The following P3H4 variants were observed in gnomAD, a reference collection of about 807,000 sequenced individuals.
P3H4 encodes the protein endoplasmic reticulum protein SC65.
In P3H4, 47 loss-of-function variants were observed where a neutral mutation model predicts 52.9. The ratio of observed to expected loss-of-function variants is 0.89; its 90% confidence interval spans 0.70 to 1.13. The LOEUF (loss-of-function observed/expected upper bound fraction) is 1.13. Among genes scored for constraint, P3H4 ranks in the 50% most tolerant of loss-of-function variants. The pLI is 0.00. For synonymous variants in P3H4, 256 were observed against 267.9 expected, an observed-to-expected ratio of 0.96 and a Z score of 0.44; for missense variants, 585 against 611.0, an observed-to-expected ratio of 0.96 and a Z score of 0.45.
Position 41,803,311 on chromosome 17 carries a change from CA to C in P3H4, c.1266del (p.Asp422GlufsTer61). On this transcript the variant is annotated frameshift_variant, in exon 7 of 8. Coordinates refer to ENST00000393928, the MANE Select transcript of P3H4 (RefSeq NM_006455.3). LOFTEE classifies it high-confidence loss of function. ...CCAGCCTCGGCCTCGTCACCCTTGG[CA>C]TCCGGCTCCTGCCACCAGTCAGCAT... ...GMYADWWQEP[D>X]AKGDEAEAEP... The C allele has an allele frequency of 6.2e-7, 1 of 1,613,998 alleles. No individual in the cohort carries two copies. The highest frequency in any genetic ancestry group is 1.1e-5 in the South Asian group (1 of 91,058).
chr17:41,803,291 C>G lies in P3H4; in HGVS notation c.1287G>C (p.Glu429Asp). ...CCAAGGACTCGTGTCACTGACCAGC[C>G]TCGGCCTCGTCACCCTTGGCATCCG... ...QEPDAKGDEA[E>D]AEPEPELA is the part of the protein sequence containing the mutation. The change falls in exon 7 of 8, where the codon GAG (glutamate) becomes GAC (aspartate). Residue 429 changes from glutamate to aspartate, a missense_variant. Transcript: ENST00000393928. 1 of 1,613,618 alleles carries G rather than the reference C, an allele frequency of 6.2e-7. No individual in the cohort carries two copies. The highest frequency in any genetic ancestry group is 8.5e-7 in the Non-Finnish European group (1 of 1,179,774).
At chr17:41,805,632 G>A (rs1156583595) in intron 6 of P3H4, among the ~76,000 whole-genome samples, 1 of 152,044 alleles carries the variant, frequency 6.6e-6, no homozygotes, top group Non-Finnish European at 1.5e-5. Context: ...GCCAGATCTT[G>A]TGTTATTCTC....
chr17:41,803,033 G>A, intron 7 of P3H4, 54 bp from the exon 8 acceptor site: 2 of 1,595,694 alleles, frequency 1.3e-6, no homozygotes, highest in South Asian at 1.1e-5. Context: ...CTCCCAATGG[G>A]TGTCCAGGTG....
chr17:41,802,874 G>T lies in P3H4; in HGVS notation c.*83C>A. The T allele has an allele frequency of 6.9e-7, 1 of 1,444,290 alleles. No homozygotes were observed. The highest frequency in any genetic ancestry group is 9.7e-7 in the Non-Finnish European group (1 of 1,035,526). 89.5% of individuals were successfully genotyped at this position (1,444,290 alleles called of 1,614,324 possible). ...GCCCATCTTAAGTTTTTAATAAATA[G>T]TTCTTGCTGCTGCCCAGGCTGGTGA... On this transcript the variant is annotated 3_prime_UTR_variant, in exon 8 of 8. Coordinates refer to ENST00000393928, the MANE Select transcript of P3H4 (RefSeq NM_006455.3).
At chr17:41,803,574 A>G in intron 6 of P3H4, 143 bp from the exon 7 acceptor site, 1 of 736,756 alleles carries the variant, frequency 1.4e-6, no homozygotes, top group Admixed American at 2.9e-5. Flanking sequence ...AGATCTAATG[A>G]GACAGTCCTG....
At chr17:41,805,240 G>C (rs2047661275) in intron 6 of P3H4, among the ~76,000 whole-genome samples, 1 of 151,546 alleles carries the variant, frequency 6.6e-6, no homozygotes, top group Non-Finnish European at 1.5e-5. Flanking sequence ...AGTGAGCTGA[G>C]ATCACGCCAC....
intron 3 of P3H4, among the ~76,000 whole-genome samples, chr17:41,810,492 C>T (rs1648308346): frequency 6.6e-6 from 1 of 152,110 alleles, no homozygotes; most frequent in South Asian, 2.1e-4. Flanking sequence ...CTTTCTGCCC[C>T]TGCTCGAGGG....
At chr17:41,809,299 T>G (rs2144025516) in intron 4 of P3H4, among the ~76,000 whole-genome samples, 1 of 152,264 alleles carries the variant, frequency 6.6e-6, no homozygotes, top group Middle Eastern at 3.4e-3. Flanking sequence ...CAGGCACCTA[T>G]AATCCCAGCT....
intron 6 of P3H4, among the ~76,000 whole-genome samples, chr17:41,804,170 C>G (rs1180970865): frequency 1.3e-5 from 2 of 151,846 alleles, no homozygotes; most frequent in Non-Finnish European, 2.9e-5. Flanking sequence ...CCAGGATGGT[C>G]TCAATCTTCT....
Position 41,811,760 on chromosome 17 carries a change from C to T in P3H4, c.156G>A (p.Trp52Ter), listed in dbSNP as rs782720051. The T allele has an allele frequency of 2.0e-6, 3 of 1,524,474 alleles. No individual in the cohort carries two copies. Among genetic ancestry groups the T allele is most frequent in the South Asian group, 1.2e-5 (1 of 82,046 alleles). The allele number at this position is 1,524,474 out of a possible 1,614,324, so 94.4% of individuals were successfully genotyped here. The stretch of plus-strand genomic sequence containing the variant: ...CCTCCAGGTAGCGCGCGCTCTCGCG[C>T]CAGCTCTCTCCCTCGTACTGCTCCA... ...HALEQYEGES[W>*]RESARYLEAA... The change falls in exon 1 of 8, where the codon TGG becomes TGA. Residue 52 changes from tryptophan (W) to a stop codon, truncating the protein, a stop_gained. Transcript: ENST00000393928. LOFTEE classifies it high-confidence loss of function. The surrounding 1 kb of genome is among the most constrained non-coding windows in gnomAD (Gnocchi z 4.8).
chr17:41,807,049 G>C, intron 5 of P3H4, 170 bp from the exon 6 acceptor site: 2 of 595,238 alleles, frequency 3.4e-6, no homozygotes, highest in Admixed American at 5.8e-5. Context: ...GGAACACTGG[G>C]TTAAGGATTC....
chr17:41,811,293 G>A lies in P3H4; in HGVS notation c.463-9C>T. On this transcript the variant is annotated splice_polypyrimidine_tract_variant and intron_variant, in intron 1 of 7. Transcript: ENST00000393928. The surrounding 1 kb of genome is among the most constrained non-coding windows in gnomAD (Gnocchi z 4.8). The stretch of plus-strand genomic sequence containing the variant: ...TTCTCCAGCCGGTTAGCCTGGTCGG[G>A]GGGTAGGGGGTGGGGGAGCGGGTCA... 6.2e-7 allele frequency: 1 copy of A among 1,612,290 alleles called. No individual in the cohort carries two copies. Among genetic ancestry groups the A allele is most frequent in the Non-Finnish European group, 8.5e-7 (1 of 1,179,906 alleles).
chr17:41,806,685 C>A (rs562943908), intron 6 of P3H4, 111 bp downstream of exon 6: 9 of 849,400 alleles, frequency 1.1e-5, no homozygotes, highest in South Asian at 9.1e-5. Context: ...CTCTTCTTCA[C>A]GACAGCTGAC....
chr17:41,807,142 C>G, intron 5 of P3H4: 1 of 498,550 alleles, frequency 2.0e-6, no homozygotes. Flanking sequence ...ACCATGTGCC[C>G]CATATTTGCC....
chr17:41,809,611 G>T, intron 4 of P3H4, 95 bp downstream of exon 4: 1 of 1,442,602 alleles, frequency 6.9e-7, no homozygotes, highest in Non-Finnish European at 9.4e-7. Flanking sequence ...CCTCAATACT[G>T]AAGGAAAGCT....
Position 41,809,741 on chromosome 17 carries a change from G to A in P3H4, c.881C>T (p.Thr294Ile). Residue 294 changes from threonine (T) to isoleucine (I), a missense_variant, in exon 4 of 8, where the codon ACC becomes ATC. Physicochemically the swap from Thr to Ile is moderately conservative, Grantham distance 89. Coordinates refer to ENST00000393928, the MANE Select transcript of P3H4 (RefSeq NM_006455.3). ...GGYFVDKFVA[T>I]MYHYLQFAYY... is the part of the protein sequence containing the mutation. ...GGCAAACTGCAGGTAGTGGTACATG[G>A]TGGCCACGAACTTGTCCACGAAGTA... is the stretch of plus-strand genomic sequence containing the variant. 1 of 1,613,696 alleles carries A rather than the reference G, an allele frequency of 6.2e-7. No homozygotes were observed. Among genetic ancestry groups the A allele is most frequent in the Non-Finnish European group, 8.5e-7 (1 of 1,179,950 alleles).
At position 41,803,502 on chromosome 17, in the gene P3H4, G is replaced by A; in HGVS notation, c.1147-71C>T. Reference sequence around the variant, plus strand: ...CCAAACCCATATGGGCTCCCTTCCTGGCCAATGGGACTTCCCATCCCATCT... The same window carrying A: ...CCAAACCCATATGGGCTCCCTTCCTAGCCAATGGGACTTCCCATCCCATCT... On this transcript the variant is annotated intron_variant, in intron 6 of 7. Coordinates refer to ENST00000393928, the MANE Select transcript of P3H4 (RefSeq NM_006455.3). The A allele has an allele frequency of 1.0e-5, 14 of 1,376,702 alleles. No homozygotes were observed. In the South Asian group the frequency reaches 1.5e-4, roughly 15 times the overall value. The allele number at this position is 1,376,702 out of a possible 1,614,324, so 85.3% of individuals were successfully genotyped here.
intron 4 of P3H4, 123 bp from the exon 5 acceptor site, chr17:41,808,127 A>T: frequency 8.0e-7 from 1 of 1,251,416 alleles, no homozygotes; most frequent in Non-Finnish European, 1.1e-6. Context: ...TGGGCTCCTT[A>T]TCCCACCCAA....
In P3H4 at chr17:41,811,841, G is replaced by A. The variant is rs2047744547; in HGVS notation, c.75C>T (p.Phe25=). ...SAGAQYEKYS[F]RGFPPEDLMP... Reference sequence around the variant, plus strand: ...TCAGGTCCTCGGGCGGGAAGCCCCGGAAGCTGTACTTCTCGTACTGCGCCC... The same window carrying A: ...TCAGGTCCTCGGGCGGGAAGCCCCGAAAGCTGTACTTCTCGTACTGCGCCC... Residue 25 remains phenylalanine, a synonymous_variant, in exon 1 of 8, where the codon TTC becomes TTT. Coordinates refer to ENST00000393928, the MANE Select transcript of P3H4 (RefSeq NM_006455.3). The surrounding 1 kb of genome is among the most constrained non-coding windows in gnomAD (Gnocchi z 4.8). 6.5e-7 allele frequency: 1 copy of A among 1,549,894 alleles called. No homozygotes were observed. The highest frequency in any genetic ancestry group is 8.6e-7 in the Non-Finnish European group (1 of 1,158,890).
Sources: gnomAD v4.1 joint callset for allele counts (sites outside exome capture counted in the v4.1 genomes callset) on GRCh38, gnomAD v4.1.1 for gene constraint, Gnocchi (gnomAD v3.1) non-coding constraint, MANE v1.5 for transcripts, NCBI Gene and HGNC (gene_info 2026-07-23, HGNC 2026-07-21) for gene names.